Variants in LIMCH1 observed in about 807,000 individuals in gnomAD.
The protein encoded by LIMCH1 is LIM and calponin homology domains-containing protein 1.
Under a neutral mutation model 176.5 loss-of-function variants are expected in LIMCH1, and 113 were observed. The observed-to-expected ratio is 0.64, with a 90% CI of 0.55 to 0.75. The LOEUF (loss-of-function observed/expected upper bound fraction) is 0.75. LIMCH1 is among the 30% of genes least tolerant of loss of function. The pLI, the probability that LIMCH1 is intolerant of heterozygous loss-of-function variation, is 0.00. For missense variants in LIMCH1, 1,674 were observed against 1,814.9 expected, an observed-to-expected ratio of 0.92 and a Z score of 1.41; for synonymous variants, 619 against 645.9, an observed-to-expected ratio of 0.96 and a Z score of 0.63.
At chr4:41,566,421 G>A (rs2082781318) in intron 1 of LIMCH1, among the ~76,000 whole-genome samples, 1 of 149,410 alleles carries the variant, frequency 6.7e-6, no homozygotes, top group African/African-American at 2.4e-5. Context: ...TCCATGGGCT[G>A]CAGAGCTTTG....
chr4:41,570,556 T>A (rs748804059), intron 1 of LIMCH1, among the ~76,000 whole-genome samples: 3 of 152,214 alleles, frequency 2.0e-5, no homozygotes, highest in Non-Finnish European at 4.4e-5. Context: ...TGAGGAAGAA[T>A]GAATCCTGGT....
intron 8 of LIMCH1, 42 bp downstream of exon 8, chr4:41,627,052 GTCTA>G: frequency 6.7e-7 from 1 of 1,493,988 alleles, no homozygotes. Flanking sequence ...GTGTGTGTGT[GTCTA>G]TGAAAGAGAC....
intron 31 of LIMCH1, among the ~76,000 whole-genome samples, chr4:41,694,678 A>AT (rs1729068070): frequency 6.6e-6 from 1 of 152,106 alleles, no homozygotes; most frequent in Non-Finnish European, 1.5e-5. Flanking sequence ...GTGGTTTCCC[A>AT]TTTTTTAATA....
At chr4:41,585,739 G>C (rs1469095743) in intron 1 of LIMCH1, among the ~76,000 whole-genome samples, 1 of 152,182 alleles carries the variant, frequency 6.6e-6, no homozygotes, top group African/African-American at 2.4e-5. Flanking sequence ...TCTAATGAGT[G>C]TGAAGCGATA....
intron 5 of LIMCH1, among the ~76,000 whole-genome samples, chr4:41,614,920 A>G (rs1451687313): frequency 1.3e-5 from 2 of 152,202 alleles, no homozygotes; most frequent in Non-Finnish European, 2.9e-5. Flanking sequence ...CTCTTTGCCT[A>G]ATAGATGTTT....
intron 1 of LIMCH1, among the ~76,000 whole-genome samples, chr4:41,456,542 G>A (rs2064627729): frequency 6.6e-6 from 1 of 152,152 alleles, no homozygotes. Flanking sequence ...TTTTGACAGA[G>A]ACGCTAAGGC....
intron 1 of LIMCH1, among the ~76,000 whole-genome samples, chr4:41,582,232 G>A (rs367977587): frequency 4.2e-4 from 64 of 152,116 alleles, no homozygotes; most frequent in African/African-American, 1.4e-3. Flanking sequence ...GGCTTTAACC[G>A]TAACCCAGAG....
At chr4:41,524,581 C>A in intron 3 of LIMCH1, 2 of 867,042 alleles carry the variant, frequency 2.3e-6, no homozygotes, top group Non-Finnish European at 3.9e-6. Flanking sequence ...ATATATATTC[C>A]ACTTGAATGA....
intron 1 of LIMCH1, among the ~76,000 whole-genome samples, chr4:41,420,923 G>T (rs987706150): frequency 1.3e-5 from 2 of 152,160 alleles, no homozygotes; most frequent in African/African-American, 2.4e-5. Context: ...ATTGTTGTAG[G>T]CTCTGCTTCA....
intron 1 of LIMCH1, among the ~76,000 whole-genome samples, chr4:41,573,663 A>G (rs896400550): frequency 3.3e-5 from 5 of 152,248 alleles, no homozygotes; most frequent in African/African-American, 4.8e-5. Context: ...TTAAGCTACT[A>G]TAAATCAACT....
In LIMCH1 at chr4:41,633,103, G is replaced by A. The variant is rs771692998; in HGVS notation, c.1829+18G>A. ...CAGCCACTGTGAGCATCTTGCCTGC[G>A]CTCTGCTCCGTGGTGTGTTGCCCCT... On this transcript the variant is annotated intron_variant, in intron 12 of 31. Coordinates refer to ENST00000503057, the MANE Select transcript of LIMCH1 (RefSeq NM_001330672.2). The A allele has an allele frequency of 1.0e-5, 15 of 1,497,186 alleles. No homozygotes were observed. Among genetic ancestry groups the A allele is most frequent in the East Asian group, 2.5e-5 (1 of 40,716 alleles). The allele number at this position is 1,497,186 out of a possible 1,614,324, so 92.7% of individuals were successfully genotyped here.
At chr4:41,623,023 C>G (rs1175214086) in intron 7 of LIMCH1, among the ~76,000 whole-genome samples, 1 of 152,202 alleles carries the variant, frequency 6.6e-6, no homozygotes, top group African/African-American at 2.4e-5. Flanking sequence ...TTACACATAG[C>G]ATGCCACCAG....
chr4:41,556,435 T>C (rs76564761), intron 1 of LIMCH1, among the ~76,000 whole-genome samples: 7,286 of 148,688 alleles, frequency 0.049, 626 homozygotes, highest in African/African-American at 0.17. Flanking sequence ...GAAAATATCA[T>C]AACATGCAGA....
At chr4:41,657,818 C>T (rs17590135) in intron 18 of LIMCH1, among the ~76,000 whole-genome samples, 11,236 of 152,050 alleles carry the variant, frequency 0.074, 506 homozygotes, top group South Asian at 0.14. Flanking sequence ...CAGAAATCCC[C>T]GAGATGAGCT....
intron 1 of LIMCH1, among the ~76,000 whole-genome samples, chr4:41,439,258 A>G (rs919778046): frequency 6.6e-6 from 1 of 152,176 alleles, no homozygotes. Flanking sequence ...TCTAATACCT[A>G]CAACAAGCAC....
intron 2 of LIMCH1, among the ~76,000 whole-genome samples, chr4:41,509,079 T>G (rs1413686730): frequency 6.6e-6 from 1 of 152,072 alleles, no homozygotes; most frequent in Non-Finnish European, 1.5e-5. Context: ...TCATTCAAAC[T>G]GAGACACTGT....
At chr4:41,666,713 C>G (rs932535876) in intron 21 of LIMCH1, 47 bp downstream of exon 21, 2 of 1,172,138 alleles carry the variant, frequency 1.7e-6, no homozygotes, top group Admixed American at 3.4e-5. Flanking sequence ...CTGGGCCCAT[C>G]TGTAGTAAAC....
At chr4:41,676,145 T>C (rs183058818) in intron 22 of LIMCH1, among the ~76,000 whole-genome samples, 1 of 152,304 alleles carries the variant, frequency 6.6e-6, no homozygotes, top group Non-Finnish European at 1.5e-5. Context: ...TTACTTTGTG[T>C]TTTCATTAGC....
intron 1 of LIMCH1, among the ~76,000 whole-genome samples, chr4:41,367,700 A>AG (rs1231296470): frequency 1.3e-5 from 2 of 150,204 alleles, no homozygotes; most frequent in Admixed American, 1.3e-4. Flanking sequence ...AAAAAAAAAA[A>AG]AAAAAAGGAA....
Sources: gnomAD v4.1 joint callset for allele counts (sites outside exome capture counted in the v4.1 genomes callset) on GRCh38, gnomAD v4.1.1 for gene constraint, MANE v1.5 for transcripts, NCBI Gene and HGNC (gene_info 2026-07-23, HGNC 2026-07-21) for gene names.